Variants in CRX observed in about 807,000 individuals in gnomAD.
CRX encodes the protein cone-rod homeobox protein.
In CRX, 5 loss-of-function variants were observed where a neutral mutation model predicts 13.1. That is an observed-to-expected ratio of 0.38 (90% confidence interval 0.20 to 0.80). The LOEUF is 0.80. CRX is among the 30% of genes least tolerant of loss of function. The pLI, the probability that CRX is intolerant of heterozygous loss-of-function variation, is 0.43. For synonymous variants in CRX, 179 were observed against 171.1 expected, an observed-to-expected ratio of 1.05 and a Z score of -0.36; for missense variants, 351 against 391.8, an observed-to-expected ratio of 0.90 and a Z score of 0.88.
chr19:47,832,112 T>TTTTTTTTTTG (rs1968056416), intron 1 of CRX, among the ~76,000 whole-genome samples: 1 of 135,116 alleles, frequency 7.4e-6, no homozygotes, highest in Non-Finnish European at 1.6e-5. Context: ...TATGTTTTTT[T>TTTTTTTTTTG]TTTTTTTTTT....
rs1390292816 is a variant in CRX, at chr19:47,823,209, A to T, written c.-36+1199A>T. ...TATTCCCAGTGCTTGGGTCAGTCCT[A>T]GACACACAGTGAGTGCTCAGTGAAT... On this transcript the variant is annotated intron_variant, in intron 1 of 3. Coordinates refer to ENST00000221996, the MANE Select transcript of CRX (RefSeq NM_000554.6). 3.3e-5 allele frequency among the ~76,000 whole-genome samples: 5 copies of T among 152,134 alleles called. No individual in the cohort carries two copies. The East Asian group carries it at 9.6e-4, about 29-fold the overall frequency.
rs1044352257 is a variant in CRX, at chr19:47,843,001, G to A, written c.*3034G>A. On this transcript the variant is annotated 3_prime_UTR_variant, in exon 4 of 4. Transcript: ENST00000221996. ...TCACAGGCCGATGGGGTAAGACTTC[G>A]AGAGAGCCTGATCCTGGGGTCTTCT... The A allele has an allele frequency of 2.0e-5, 3 of 152,254 alleles. No individual in the cohort carries two copies. The highest frequency in any genetic ancestry group is 4.8e-5 in the African/African-American group (2 of 41,434). 9.4% of individuals were successfully genotyped at this position (152,254 alleles called of 1,614,324 possible).
chr19:47,826,129 G>A (rs962760221), intron 1 of CRX, among the ~76,000 whole-genome samples: 4 of 152,140 alleles, frequency 2.6e-5, no homozygotes, highest in African/African-American at 9.7e-5. Context: ...CTCTCTGGAG[G>A]TTCATATTTA....
Position 47,840,072 on chromosome 19 carries a change from C to A in CRX, c.*105C>A, listed in dbSNP as rs1968176476. On this transcript the variant is annotated 3_prime_UTR_variant, in exon 4 of 4. Transcript: ENST00000221996. Reference sequence around the variant, plus strand: ...GGGATGGCATTCCTGAGAAAGCAACCCGAACCAGCTGTCCTTCTGACAGCT... The same window carrying A: ...GGGATGGCATTCCTGAGAAAGCAACACGAACCAGCTGTCCTTCTGACAGCT... The A allele has an allele frequency of 1.5e-6, 2 of 1,370,876 alleles. No homozygotes were observed. Among genetic ancestry groups the A allele is most frequent in the South Asian group, 1.2e-5 (1 of 83,182 alleles). The allele number at this position is 1,370,876 out of a possible 1,614,324, so 84.9% of individuals were successfully genotyped here.
Position 47,842,350 on chromosome 19 carries a change from G to A in CRX, c.*2383G>A, listed in dbSNP as rs1968207901. The A allele has an allele frequency of 6.6e-6, 1 of 152,304 alleles. No homozygotes were observed. Among genetic ancestry groups the A allele is most frequent in the Admixed American group, 6.5e-5 (1 of 15,286 alleles). 9.4% of individuals were successfully genotyped at this position (152,304 alleles called of 1,614,324 possible). ...TAATCCCAGCACTTTGGGAGGCCGA[G>A]GCGGGTGGATCACCTGAGGTCAGGA... On this transcript the variant is annotated 3_prime_UTR_variant, in exon 4 of 4. Transcript: ENST00000221996.
Position 47,839,154 on chromosome 19 carries a change from GGATA to G in CRX, c.253-162_253-159del, listed in dbSNP as rs1307375159. On this transcript the variant is annotated intron_variant, in intron 3 of 3. Coordinates refer to ENST00000221996, the MANE Select transcript of CRX (RefSeq NM_000554.6). This position sits in a 1 kb window ranked among gnomAD's most constrained non-coding sequence, Gnocchi z 4.6. ...TGCACACATGCAGGTATGATTGGATGGATAGATGGATGGATGGGTGAATAGACGC... is the reference window on the plus strand; with the variant it reads ...TGCACACATGCAGGTATGATTGGATGGATGGATGGATGGGTGAATAGACGC... Among the ~76,000 whole-genome samples the G allele has an allele frequency of 1.3e-5, 2 of 152,026 alleles. No homozygotes were observed. The highest frequency in any genetic ancestry group is 2.9e-5 in the Non-Finnish European group (2 of 67,970).
chr19:47,831,375 A>G (rs973494311), intron 1 of CRX, among the ~76,000 whole-genome samples: 2 of 151,538 alleles, frequency 1.3e-5, no homozygotes, highest in Non-Finnish European at 2.9e-5. Flanking sequence ...AGGGTCCCCA[A>G]CCCCCGGTTT....
At chr19:47,832,425 A>T (rs1329152335) in intron 1 of CRX, among the ~76,000 whole-genome samples, 3 of 150,506 alleles carry the variant, frequency 2.0e-5, no homozygotes, top group African/African-American at 7.3e-5. Context: ...AAAAAAAATT[A>T]ATTTTTTGTA....
chr19:47,834,556 G>C lies in CRX; in HGVS notation c.100+13G>C, dbSNP rs770361425. 1.2e-6 allele frequency: 2 copies of C among 1,607,338 alleles called. No homozygotes were observed. The highest frequency in any genetic ancestry group is 2.2e-5 in the East Asian group (1 of 44,818). Reference sequence around the variant, plus strand: ...GTGCCCTACCCAAGTGAGTACAGTCGTTTCTCTTGGCACCCCAGGCTGGCC... The same window carrying C: ...GTGCCCTACCCAAGTGAGTACAGTCCTTTCTCTTGGCACCCCAGGCTGGCC... On this transcript the variant is annotated intron_variant, in intron 2 of 3. Transcript: ENST00000221996.
At position 47,836,332 on chromosome 19, in the gene CRX, C is replaced by T; in HGVS notation, c.190C>T (p.Pro64Ser). ...GGCACTGTTTGCCAAGACCCAGTAC[C>T]CAGACGTCTATGCCCGTGAGGAGGT... ...LEALFAKTQY[P>S]DVYAREEVAL... The change falls in exon 3 of 4, where the codon CCA becomes TCA. Residue 64 changes from proline to serine, a missense_variant. Physicochemically the swap from Pro to Ser is moderately conservative, Grantham distance 74 (BLOSUM62 -1). Coordinates refer to ENST00000221996, the MANE Select transcript of CRX (RefSeq NM_000554.6). 6.2e-7 allele frequency: 1 copy of T among 1,614,178 alleles called. No individual in the cohort carries two copies. The highest frequency in any genetic ancestry group is 8.5e-7 in the Non-Finnish European group (1 of 1,180,034).
At chr19:47,828,130 G>A (rs888183042) in intron 1 of CRX, among the ~76,000 whole-genome samples, 3 of 151,810 alleles carry the variant, frequency 2.0e-5, no homozygotes, top group African/African-American at 7.3e-5. Context: ...CTCCAGCCTG[G>A]GGGACAAGAG....
At chr19:47,832,836 A>G (rs1968069560) in intron 1 of CRX, among the ~76,000 whole-genome samples, 3 of 151,992 alleles carry the variant, frequency 2.0e-5, no homozygotes, top group Non-Finnish European at 4.4e-5. Context: ...TGAGGTATAC[A>G]TTGAAGGTGA....
At chr19:47,838,532 T>G (rs1968147023) in intron 3 of CRX, among the ~76,000 whole-genome samples, 1 of 152,118 alleles carries the variant, frequency 6.6e-6, no homozygotes, top group Non-Finnish European at 1.5e-5. Flanking sequence ...ATCAGATGGC[T>G]CCATTAATGC....
chr19:47,827,428 C>T (rs185775309), intron 1 of CRX, among the ~76,000 whole-genome samples: 5 of 149,020 alleles, frequency 3.4e-5, no homozygotes, highest in Admixed American at 6.8e-5. Context: ...GCCTGGAAAT[C>T]TCTATTCCAG....
rs1168700835 is a variant in CRX at position 47,827,798 on chromosome 19, C to A, written c.-36+5788C>A. Among the ~76,000 whole-genome samples the A allele has an allele frequency of 7.3e-5, 8 of 109,464 alleles. No homozygotes were observed. In the Admixed American group the frequency reaches 9.8e-4, roughly 13 times the overall value. The allele number at this position is 109,464 out of a possible 152,430, so 71.8% of individuals were successfully genotyped here. On this transcript the variant is annotated intron_variant, in intron 1 of 3. Coordinates refer to ENST00000221996, the MANE Select transcript of CRX (RefSeq NM_000554.6). ...TCAGCCTCCCAAAGTGTTGGGATTACAGGCAAGAGCCCCTGCTCCTGGCCA... is the reference window on the plus strand; with the variant it reads ...TCAGCCTCCCAAAGTGTTGGGATTAAAGGCAAGAGCCCCTGCTCCTGGCCA...
chr19:47,822,443 T>C (rs7256014), intron 1 of CRX, among the ~76,000 whole-genome samples: 233 of 152,370 alleles, frequency 1.5e-3, no homozygotes, highest in African/African-American at 5.4e-3. Flanking sequence ...CCCTCCCTTG[T>C]TGAGCACTGA....
intron 3 of CRX, among the ~76,000 whole-genome samples, chr19:47,838,172 A>C (rs934314927): frequency 3.3e-5 from 5 of 152,070 alleles, no homozygotes; most frequent in Non-Finnish European, 7.4e-5. Flanking sequence ...GAATATGTAT[A>C]TGATGTATGT....
chr19:47,839,826 A>G lies in CRX; in HGVS notation c.759A>G (p.Leu253=), dbSNP rs1968172840. The change falls in exon 4 of 4, where the codon CTA becomes CTG. Residue 253 remains leucine (L), a synonymous_variant. Coordinates refer to ENST00000221996, the MANE Select transcript of CRX (RefSeq NM_000554.6). The surrounding 1 kb of genome is among the most constrained non-coding windows in gnomAD (Gnocchi z 4.6). ...GPSLAQSPTS[L]SGQSYGAYSP... ...CCCTGGCCCAGTCCCCCACCTCCCT[A>G]TCAGGCCAGAGCTATGGCGCCTACA... is the stretch of plus-strand genomic sequence containing the variant. 1.9e-6 allele frequency: 3 copies of G among 1,613,530 alleles called. No homozygotes were observed. The highest frequency in any genetic ancestry group is 8.5e-7 in the Non-Finnish European group (1 of 1,179,850).
rs1008624688 is a variant in CRX, at chr19:47,830,529, C to T, written c.-35-3880C>T. 5.3e-5 allele frequency among the ~76,000 whole-genome samples: 8 copies of T among 152,012 alleles called. No individual in the cohort carries two copies. In the South Asian group the frequency reaches 6.2e-4, roughly 12 times the overall value. ...CATCCTGGCCAACATGGTGAAACCC[C>T]GACTCTACTAAAAATACAAAAATTA... On this transcript the variant is annotated intron_variant, in intron 1 of 3. Transcript: ENST00000221996.
Sources: allele counts gnomAD v4.1 joint callset (sites outside exome capture counted in the v4.1 genomes callset), GRCh38; gene constraint gnomAD v4.1.1; non-coding constraint Gnocchi (gnomAD v3.1); transcripts MANE v1.5; gene names NCBI Gene and HGNC (gene_info 2026-07-23, HGNC 2026-07-21).